The following UAP1 variants were observed in gnomAD, a reference collection of about 807,000 sequenced individuals.
The protein encoded by UAP1 is UDP-N-acetylhexosamine pyrophosphorylase.
A neutral mutation model predicts 58.5 loss-of-function variants in UAP1; 25 were observed. The observed-to-expected ratio is 0.43, with a 90% CI of 0.31 to 0.60. The LOEUF (loss-of-function observed/expected upper bound fraction) is 0.60. Ranked by LOEUF, UAP1 falls within the 20% of genes least tolerant of loss-of-function variation. UAP1 has a pLI of 0.11. For missense variants in UAP1, 575 were observed against 630.0 expected, an observed-to-expected ratio of 0.91 and a Z score of 0.93; for synonymous variants, 208 against 213.0, an observed-to-expected ratio of 0.98 and a Z score of 0.21.
At chr1:162,593,849 G>A (rs1039174054) in intron 9 of UAP1, 5 of 152,026 alleles carry the variant, frequency 3.3e-5, no homozygotes, top group Non-Finnish European at 7.3e-5. Flanking sequence ...AAATAGAGTA[G>A]CACCTTCATC....
At position 162,597,784 on chromosome 1, in the gene UAP1, T is replaced by C. The variant is rs755669200; in HGVS notation, c.1410-8T>C. On this transcript the variant is annotated splice_region_variant and splice_polypyrimidine_tract_variant and intron_variant, in intron 9 of 10. Coordinates refer to ENST00000271469, the Ensembl canonical transcript of UAP1. Reference sequence around the variant, plus strand: ...AAGTCTTTAACACATACTTGTTTTTTTTCTTAGCTTGAAGGATGCCAATGA... The same window carrying C: ...AAGTCTTTAACACATACTTGTTTTTCTTCTTAGCTTGAAGGATGCCAATGA... 28 of 1,612,530 alleles carry C rather than the reference T, an allele frequency of 1.7e-5. No homozygotes were observed. Among genetic ancestry groups the C allele is most frequent in the Non-Finnish European group, 2.3e-5 (27 of 1,179,382 alleles).
At chr1:162,576,393 ATATT>A (rs1654179214) in intron 2 of UAP1, among the ~76,000 whole-genome samples, 2 of 152,190 alleles carry the variant, frequency 1.3e-5, no homozygotes, top group South Asian at 4.1e-4. Flanking sequence ...TCAGCAAAAA[ATATT>A]TAGTTCACTA....
rs1024890567 is a variant in UAP1 at position 162,571,109 on chromosome 1, T to C, written c.280+4761T>C. On this transcript the variant is annotated intron_variant, in intron 2 of 10. Coordinates refer to ENST00000271469, the Ensembl canonical transcript of UAP1. The stretch of plus-strand genomic sequence containing the variant: ...CTGGCTTTCTTTTTTTTTTTTTTTT[T>C]CTAACTTCTGATTTTTTTGTTTGTT... Among the ~76,000 whole-genome samples the C allele has an allele frequency of 2.9e-4, 44 of 151,124 alleles. 1 individual carries two copies. Among genetic ancestry groups the C allele is most frequent in the South Asian group, 8.3e-4 (4 of 4,792 alleles).
intron 8 of UAP1, among the ~76,000 whole-genome samples, chr1:162,590,712 T>C (rs1386861369): frequency 6.6e-6 from 1 of 151,826 alleles, no homozygotes; most frequent in East Asian, 1.9e-4. Flanking sequence ...TGAAGAGGAG[T>C]CTTTCAGATC....
chr1:162,594,869 ATGCACTGAAAAAGAGTTCC>A (rs1366795779), intron 9 of UAP1, among the ~76,000 whole-genome samples: 28 of 152,332 alleles, frequency 1.8e-4, no homozygotes, highest in South Asian at 4.1e-4. Context: ...AAATGATACC[ATGCACTGAAAAAGAGTTCC>A]TGCGTAATCC....
chr1:162,593,550 A>T (rs991660346), intron 9 of UAP1: 2 of 152,184 alleles, frequency 1.3e-5, no homozygotes, highest in Non-Finnish European at 2.9e-5. Context: ...GGAGTTCGAG[A>T]CTAGCCTGGC....
At chr1:162,568,954 A>C (rs978843361) in intron 2 of UAP1, among the ~76,000 whole-genome samples, 12 of 152,154 alleles carry the variant, frequency 7.9e-5, no homozygotes, top group Admixed American at 7.2e-4. Context: ...TTTTCATGTA[A>C]ACTAAAATCC....
At chr1:162,566,058 A>G (rs768522514) in exon 2 of UAP1, 15 of 1,608,694 alleles carry the variant, frequency 9.3e-6, no homozygotes, top group Admixed American at 3.4e-5. Flanking sequence ...AAGCTTGGCT[A>G]TTAGAGCATT....
At chr1:162,567,108 CT>C (rs768242572) in intron 2 of UAP1, among the ~76,000 whole-genome samples, 1 of 152,154 alleles carries the variant, frequency 6.6e-6, no homozygotes, top group Non-Finnish European at 1.5e-5. Context: ...GCTAGGTCAC[CT>C]TGTAAGGTCA....
At chr1:162,592,884 G>A (rs1360332633) in intron 9 of UAP1, 102 bp downstream of exon 9, 3 of 1,101,326 alleles carry the variant, frequency 2.7e-6, no homozygotes, top group Admixed American at 2.1e-5. Flanking sequence ...GGGGTCTGGA[G>A]GGAGGATGGT....
intron 9 of UAP1, chr1:162,593,855 T>G (rs995105876): frequency 1.3e-5 from 2 of 152,172 alleles, no homozygotes; most frequent in Admixed American, 6.5e-5. Flanking sequence ...AGTAGCACCT[T>G]CATCAGTGTC....
At chr1:162,568,323 C>T (rs1012877721) in intron 2 of UAP1, among the ~76,000 whole-genome samples, 10 of 152,118 alleles carry the variant, frequency 6.6e-5, no homozygotes, top group African/African-American at 2.2e-4. Context: ...TCCAAAGAAC[C>T]CAAGGGTTTT....
At chr1:162,600,923 T>G (rs538598073), downstream of UAP1, among the ~76,000 whole-genome samples, 1 of 152,320 alleles carries the variant, frequency 6.6e-6, no homozygotes, top group East Asian at 1.9e-4. Context: ...GTTTCTTTTT[T>G]TCTTGAACCT....
In UAP1 at chr1:162,579,418, C is replaced by T. The variant is rs765246803; in HGVS notation, c.486-10C>T. On this transcript the variant is annotated splice_polypyrimidine_tract_variant and intron_variant, in intron 3 of 10. Transcript: ENST00000271469. Reference sequence around the variant, plus strand: ...ACGGTTGCTTAGAAGATCTGATTTTCTCTTGTAAGGTATATAATGACCAGT... The same window carrying T: ...ACGGTTGCTTAGAAGATCTGATTTTTTCTTGTAAGGTATATAATGACCAGT... 6.8e-7 allele frequency: 1 copy of T among 1,477,466 alleles called. No individual in the cohort carries two copies. The highest frequency in any genetic ancestry group is 2.4e-5 in the East Asian group (1 of 41,906). 91.5% of individuals were successfully genotyped at this position (1,477,466 alleles called of 1,614,324 possible).
chr1:162,598,835 G>A (rs4657209), intron 10 of UAP1, among the ~76,000 whole-genome samples: 66,046 of 151,986 alleles, frequency 0.43, 15,983 homozygotes, highest in Non-Finnish European at 0.54. Context: ...CCAACATGAT[G>A]AAGCCCTGTT....
At chr1:162,574,088 CTTTT>C (rs1421940431) in intron 2 of UAP1, among the ~76,000 whole-genome samples, 5 of 145,892 alleles carry the variant, frequency 3.4e-5, no homozygotes, top group African/African-American at 1.3e-4. Context: ...TTTTTCTTTT[CTTTT>C]CTTTTTTTTT....
At chr1:162,569,492 ATCTT>A (rs1653723073) in intron 2 of UAP1, among the ~76,000 whole-genome samples, 2 of 152,220 alleles carry the variant, frequency 1.3e-5, no homozygotes, top group South Asian at 4.1e-4. Flanking sequence ...CAACTAGAAA[ATCTT>A]TATTTTACAA....
At chr1:162,587,355 C>A in intron 5 of UAP1, 120 bp from the exon 6 acceptor site, 1 of 877,850 alleles carries the variant, frequency 1.1e-6, no homozygotes, top group South Asian at 2.0e-5. Flanking sequence ...GTTAAAGATT[C>A]TTCTTGGCTT....
intron 6 of UAP1, 61 bp from the exon 7 acceptor site, chr1:162,588,632 A>G: frequency 6.4e-7 from 1 of 1,553,130 alleles, no homozygotes; most frequent in Non-Finnish European, 8.7e-7. Context: ...TGAATGTTGT[A>G]AGATTTTCTG....
Sources: gnomAD v4.1 joint callset for allele counts (sites outside exome capture counted in the v4.1 genomes callset) on GRCh38, gnomAD v4.1.1 for gene constraint, MANE v1.5 for transcripts, NCBI Gene and HGNC (gene_info 2026-07-23, HGNC 2026-07-21) for gene names.